The following ABCA6 variants were observed in gnomAD, a reference collection of about 807,000 sequenced individuals.
The protein encoded by ABCA6 is ATP-binding cassette sub-family A member 6.
A neutral mutation model predicts 191.2 loss-of-function variants in ABCA6; 164 were observed. That is an observed-to-expected ratio of 0.86 (90% confidence interval 0.76 to 0.98). The LOEUF (loss-of-function observed/expected upper bound fraction) is 0.98, where lower values mean the gene tolerates loss of function less well. Among genes scored for constraint, ABCA6 ranks in the 50% least tolerant of loss-of-function variants. The pLI, the probability that ABCA6 is intolerant of heterozygous loss-of-function variation, is 0.00. For synonymous variants in ABCA6, 636 were observed against 647.7 expected (o/e 0.98, Z 0.27); for missense variants, 1,958 against 1,894.1 (o/e 1.03, Z -0.63).
intron 2 of ABCA6, among the ~76,000 whole-genome samples, chr17:69,139,182 T>C (rs1281054817): frequency 2.0e-5 from 3 of 152,120 alleles, no homozygotes; most frequent in Non-Finnish European, 4.4e-5. Context: ...GGAGAAAATT[T>C]TCCCAACCTA....
chr17:69,081,610 T>C (rs890992883), intron 36 of ABCA6, among the ~76,000 whole-genome samples: 1 of 152,252 alleles, frequency 6.6e-6, no homozygotes, highest in South Asian at 2.1e-4. Context: ...AATTCAGGAC[T>C]ATTTTGTAAA....
chr17:69,105,476 A>T lies in ABCA6; in HGVS notation c.2726T>A (p.Ile909Asn). 6.2e-7 allele frequency: 1 copy of T among 1,604,506 alleles called. No individual in the cohort carries two copies. The highest frequency in any genetic ancestry group is 8.5e-7 in the Non-Finnish European group (1 of 1,177,892). The change falls in exon 20 of 39, where the codon ATC (isoleucine) becomes AAC (asparagine). Residue 909 changes from isoleucine (I) to asparagine (N), a missense_variant. By Grantham distance (149) the Ile-to-Asn change is moderately radical (BLOSUM62 -3). Transcript: ENST00000284425. ...TTTCTTTTCACCTGTGTTATTGATG[A>T]TCAACAGGCTGGTACGGGGTTCCTG... ...LPQEPRTSLL[I>N]INNTESNIED...
rs755609817 is a variant in ABCA6 at position 69,128,703 on chromosome 17, A to G, written c.1035T>C (p.Thr345=). 1 of 1,613,258 alleles carries G rather than the reference A, an allele frequency of 6.2e-7. No individual in the cohort carries two copies. The highest frequency in any genetic ancestry group is 1.3e-5 in the African/African-American group (1 of 74,884). ...LTLFWGCLGF[T]VFYEQLPSSL... ...ATGAAGGAAGTTGTTCATAAAATAC[A>G]GTGAATCCCAGACATCCCCAAAAGA... Residue 345 remains threonine (T), a synonymous_variant, in exon 8 of 39, where the codon ACT becomes ACC. Coordinates refer to ENST00000284425, the MANE Select transcript of ABCA6 (RefSeq NM_080284.3).
At chr17:69,135,765 C>G in intron 4 of ABCA6, 1 of 419,978 alleles carries the variant, frequency 2.4e-6, no homozygotes. Flanking sequence ...AACACTTTTT[C>G]TTGTACTTGT....
Position 69,140,573 on chromosome 17 carries a change from G to C in ABCA6, c.96+35C>G, listed in dbSNP as rs577861404. 1.5e-4 allele frequency: 214 copies of C among 1,388,468 alleles called. 1 individual carries two copies. Among genetic ancestry groups the C allele is most frequent in the Non-Finnish European group, 2.1e-4 (207 of 998,554 alleles). The allele number at this position is 1,388,468 out of a possible 1,614,324, so 86.0% of individuals were successfully genotyped here. Reference sequence around the variant, plus strand: ...GTAGGTAATGAAACACTGTAAGAGTGCTAACCGTGGAAAGAGACAAATTTT... The same window carrying C: ...GTAGGTAATGAAACACTGTAAGAGTCCTAACCGTGGAAAGAGACAAATTTT... On this transcript the variant is annotated intron_variant, in intron 2 of 38. Coordinates refer to ENST00000284425, the MANE Select transcript of ABCA6 (RefSeq NM_080284.3).
rs867275900 is a variant in ABCA6, at chr17:69,105,946, C to T, written c.2573+82G>A. The T allele has an allele frequency of 9.9e-6, 14 of 1,409,834 alleles. 1 individual carries two copies. The Middle Eastern group carries it at 5.5e-4, about 55-fold the overall frequency. 87.3% of individuals were successfully genotyped at this position (1,409,834 alleles called of 1,614,324 possible). A position where few individuals can be genotyped will look rare whatever the true frequency, so the allele number is the denominator to read the frequency against. On this transcript the variant is annotated intron_variant, in intron 19 of 38. Transcript: ENST00000284425. ...CCCGTGGCAGGAATGTCAGATATTG[C>T]GTTCTAGTTTTAAATTATCTTCTGG...
rs755081311 is a variant in ABCA6 at position 69,079,014 on chromosome 17, T to C, written c.4813A>G (p.Thr1605Ala). 6.2e-7 allele frequency: 1 copy of C among 1,612,630 alleles called. No homozygotes were observed. The highest frequency in any genetic ancestry group is 8.5e-7 in the Non-Finnish European group (1 of 1,179,458). The change falls in exon 39 of 39, where the codon ACA becomes GCA. Residue 1605 changes from threonine (T) to alanine (A), a missense_variant. Thr to Ala is a moderately conservative substitution (Grantham distance 58). Transcript: ENST00000284425. ...TGAGGGAGGAGTTTCCATCTCATTG[T>C]TGTATCAATTTCTTCATCAAAATTT... ...VGNFDEEIDT[T>A]MRWKLLPHSD... is the part of the protein sequence containing the mutation.
Position 69,120,310 on chromosome 17 carries a change from C to T in ABCA6, c.1437-2354G>A, listed in dbSNP as rs16973614. Among the ~76,000 whole-genome samples the T allele has an allele frequency of 9.6e-3, 1,455 of 152,106 alleles. 15 individuals carry two copies. Among genetic ancestry groups the T allele is most frequent in the African/African-American group, 0.034 (1,400 of 41,538 alleles). On this transcript the variant is annotated intron_variant, in intron 10 of 38. Transcript: ENST00000284425. ...TCAACCCGGATGGTGAATATGTCAG[C>T]TTTAAAAGCCTAAATTTCTTCAGTA...
At chr17:69,109,671 G>A (rs746010905) in intron 17 of ABCA6, 5 of 151,896 alleles carry the variant, frequency 3.3e-5, no homozygotes, top group Admixed American at 6.6e-5. Flanking sequence ...GAAATCCTTC[G>A]CCATCACACT....
At chr17:69,117,843 T>C in intron 11 of ABCA6, 55 bp downstream of exon 11, 2 of 1,344,640 alleles carry the variant, frequency 1.5e-6, no homozygotes, top group African/African-American at 1.5e-5. Context: ...ATGTTTCCCT[T>C]TTTTATAATA....
Position 69,114,748 on chromosome 17 carries a change from G to A in ABCA6, c.1782+14C>T, listed in dbSNP as rs1424355922. ...GTGGTTGGCAGGTCAGTTAATCCAA[G>A]CATGCCCTCCTACCTCTTGTTCCAC... On this transcript the variant is annotated intron_variant, in intron 13 of 38. Coordinates refer to ENST00000284425, the MANE Select transcript of ABCA6 (RefSeq NM_080284.3). The A allele has an allele frequency of 1.3e-6, 2 of 1,596,622 alleles. No individual in the cohort carries two copies. Among genetic ancestry groups the A allele is most frequent in the South Asian group, 2.3e-5 (2 of 87,954 alleles).
rs1217837997 is a variant in ABCA6 at position 69,083,369 on chromosome 17, C to T, written c.4356-38G>A. 2.6e-6 allele frequency: 4 copies of T among 1,526,976 alleles called. No homozygotes were observed. The African/African-American group carries it at 5.6e-5, about 21-fold the overall frequency. 94.6% of individuals were successfully genotyped at this position (1,526,976 alleles called of 1,614,324 possible). On this transcript the variant is annotated intron_variant, in intron 34 of 38. Coordinates refer to ENST00000284425, the MANE Select transcript of ABCA6 (RefSeq NM_080284.3). ...AAAAAATTAACAGTATTTAAAATAA[C>T]TAAGTGCAGAAGAAAAAAAAGATAA... is the stretch of plus-strand genomic sequence containing the variant.
chr17:69,135,858 G>T, intron 4 of ABCA6: 1 of 508,370 alleles, frequency 2.0e-6, no homozygotes, highest in Non-Finnish European at 3.5e-6. Flanking sequence ...TTACTCATGT[G>T]TCCTTTGACA....
At chr17:69,108,521 G>A (rs28589694) in intron 17 of ABCA6, 1 of 152,202 alleles carries the variant, frequency 6.6e-6, no homozygotes, top group Non-Finnish European at 1.5e-5. Flanking sequence ...TAGGCTCCAT[G>A]AGAGTAGAGA....
intron 13 of ABCA6, among the ~76,000 whole-genome samples, chr17:69,114,249 T>C (rs2073491254): frequency 2.0e-5 from 3 of 152,042 alleles, no homozygotes; most frequent in South Asian, 4.2e-4. Flanking sequence ...AAATGATGAG[T>C]TCATGTCCTT....
intron 18 of ABCA6, among the ~76,000 whole-genome samples, chr17:69,106,699 C>G (rs2073314017): frequency 6.6e-6 from 1 of 151,774 alleles, no homozygotes; most frequent in Non-Finnish European, 1.5e-5. Flanking sequence ...TACTTCACCA[C>G]TGCCATCTAT....
intron 2 of ABCA6, among the ~76,000 whole-genome samples, chr17:69,139,076 A>C (rs1374174417): frequency 1.3e-5 from 2 of 152,226 alleles, no homozygotes; most frequent in East Asian, 3.8e-4. Context: ...CAATGGCAAC[A>C]AAAGCTAAAA....
In ABCA6 at chr17:69,087,596, T is replaced by TAGTC. The variant is rs2144617192; in HGVS notation, c.3699-124_3699-123insGACT. ...TAATGTGCAGGTGATGATGTGATGA[T>TAGTC]GACTGTCAATATTGCTTCTGCTTTT... On this transcript the variant is annotated intron_variant, in intron 28 of 38. Transcript: ENST00000284425. The TAGTC allele has an allele frequency of 3.1e-6, 4 of 1,295,572 alleles. No individual in the cohort carries two copies. In the South Asian group the frequency reaches 4.2e-5, roughly 14 times the overall value. 80.3% of individuals were successfully genotyped at this position (1,295,572 alleles called of 1,614,324 possible).
intron 2 of ABCA6, 82 bp downstream of exon 2, chr17:69,140,525 TA>T: frequency 1.4e-6 from 1 of 733,228 alleles, no homozygotes; most frequent in Non-Finnish European, 2.1e-6. Context: ...ATCTACTAAT[TA>T]AAAGAGAACA....
Sources: gnomAD v4.1 joint callset for allele counts (sites outside exome capture counted in the v4.1 genomes callset) on GRCh38, gnomAD v4.1.1 for gene constraint, MANE v1.5 for transcripts, NCBI Gene and HGNC (gene_info 2026-07-23, HGNC 2026-07-21) for gene names.